PIK3AP1: variants seen among roughly 807,000 people sequenced by gnomAD.
The protein encoded by PIK3AP1 is phosphoinositide-3-kinase adaptor protein 1.
In PIK3AP1, 21 loss-of-function variants were observed where a neutral mutation model predicts 88.1. The observed-to-expected ratio is 0.24, with a 90% CI of 0.17 to 0.34. The LOEUF (loss-of-function observed/expected upper bound fraction) is 0.34. Ranked by LOEUF, PIK3AP1 falls within the 10% of genes least tolerant of loss-of-function variation. The pLI is 1.00. For missense variants in PIK3AP1, 828 were observed against 1,035.7 expected, an observed-to-expected ratio of 0.80 and a Z score of 2.75; for synonymous variants, 398 against 400.0, an observed-to-expected ratio of 1.00 and a Z score of 0.06.
intron 2 of PIK3AP1, among the ~76,000 whole-genome samples, chr10:96,706,997 A>G (rs1460991136): frequency 6.6e-6 from 1 of 152,158 alleles, no homozygotes; most frequent in Non-Finnish European, 1.5e-5. Flanking sequence ...CCCTATATCC[A>G]TTGATTCTGA....
intron 14 of PIK3AP1, among the ~76,000 whole-genome samples, chr10:96,608,434 G>C (rs1248471281): frequency 6.6e-6 from 1 of 152,204 alleles, no homozygotes; most frequent in Non-Finnish European, 1.5e-5. Flanking sequence ...TTTCTCCTCT[G>C]TCCAGACTAG....
At chr10:96,628,137 G>A (rs1250052475) in intron 9 of PIK3AP1, among the ~76,000 whole-genome samples, 1 of 152,126 alleles carries the variant, frequency 6.6e-6, no homozygotes, top group African/African-American at 2.4e-5. Flanking sequence ...AACAACAGAT[G>A]CATTTAAAAA....
At chr10:96,663,258 G>A (rs540102434) in intron 2 of PIK3AP1, among the ~76,000 whole-genome samples, 2 of 152,156 alleles carry the variant, frequency 1.3e-5, no homozygotes, top group East Asian at 3.9e-4. Flanking sequence ...GCACAAATCT[G>A]TGAATATACG....
intron 2 of PIK3AP1, among the ~76,000 whole-genome samples, chr10:96,684,849 C>T (rs1844048282): frequency 6.6e-6 from 1 of 152,218 alleles, no homozygotes; most frequent in African/African-American, 2.4e-5. Flanking sequence ...TGAGGCGGCA[C>T]TCTCTGATAG....
chr10:96,641,882 T>C (rs982447564), intron 8 of PIK3AP1, among the ~76,000 whole-genome samples: 8 of 152,122 alleles, frequency 5.3e-5, no homozygotes, highest in Non-Finnish European at 8.8e-5. Flanking sequence ...TGCTGGGCGG[T>C]GCTGCAAATA....
At chr10:96,604,230 T>C (rs1848960535) in intron 14 of PIK3AP1, among the ~76,000 whole-genome samples, 181 bp from the exon 15 acceptor site, 1 of 152,040 alleles carries the variant, frequency 6.6e-6, no homozygotes. Flanking sequence ...CTTGCTGGAG[T>C]GCAGTGGCAT....
intron 8 of PIK3AP1, among the ~76,000 whole-genome samples, chr10:96,641,124 T>TGTGTGC (rs1463517789): frequency 3.6e-5 from 4 of 109,712 alleles, no homozygotes; most frequent in African/African-American, 1.2e-4. Flanking sequence ...TGTGTGTGTG[T>TGTGTGC]GCGTGTGCAT....
intron 1 of PIK3AP1, among the ~76,000 whole-genome samples, chr10:96,712,533 T>C (rs1589552525): frequency 6.6e-6 from 1 of 152,298 alleles, no homozygotes; most frequent in African/African-American, 2.4e-5. Context: ...TATACCTCAA[T>C]GGAAAAATCA....
chr10:96,604,079 T>G, intron 14 of PIK3AP1, 30 bp from the exon 15 acceptor site: 1 of 1,499,966 alleles, frequency 6.7e-7, no homozygotes, highest in Middle Eastern at 1.8e-4. Flanking sequence ...TCAGCCGGAT[T>G]GAGGATTCTT....
chr10:96,598,840 GA>G (rs1848831117), intron 16 of PIK3AP1, among the ~76,000 whole-genome samples: 1 of 152,202 alleles, frequency 6.6e-6, no homozygotes, highest in African/African-American at 2.4e-5. Flanking sequence ...ATTGGGCAAA[GA>G]AACAGTACAG....
intron 14 of PIK3AP1, among the ~76,000 whole-genome samples, chr10:96,608,836 G>A (rs1849050428): frequency 6.6e-6 from 1 of 152,218 alleles, no homozygotes; most frequent in African/African-American, 2.4e-5. Flanking sequence ...CGACATTTAA[G>A]GAGATATGAG....
intron 2 of PIK3AP1, among the ~76,000 whole-genome samples, chr10:96,677,298 A>G (rs1843936494): frequency 6.6e-6 from 1 of 152,116 alleles, no homozygotes; most frequent in South Asian, 2.1e-4. Context: ...ACCAATTGAA[A>G]AACCAATCAT....
At chr10:96,611,762 A>G (rs1849113958) in intron 13 of PIK3AP1, among the ~76,000 whole-genome samples, 1 of 152,142 alleles carries the variant, frequency 6.6e-6, no homozygotes, top group Non-Finnish European at 1.5e-5. Context: ...CACTGCACCC[A>G]GCCAAAAATC....
At chr10:96,609,953 C>T in intron 13 of PIK3AP1, 86 bp from the exon 14 acceptor site, 3 of 1,479,986 alleles carry the variant, frequency 2.0e-6, no homozygotes, top group Non-Finnish European at 2.8e-6. Context: ...CCACCTGCCT[C>T]TCTCACAGGA....
intron 7 of PIK3AP1, among the ~76,000 whole-genome samples, chr10:96,646,037 A>C (rs1466225619): frequency 1.3e-5 from 2 of 152,182 alleles, no homozygotes; most frequent in Non-Finnish European, 2.9e-5. Context: ...AGGCAAGTGG[A>C]TCACCTGAGG....
chr10:96,654,035 T>A (rs1241671385), intron 3 of PIK3AP1, among the ~76,000 whole-genome samples: 1 of 152,200 alleles, frequency 6.6e-6, no homozygotes, highest in Non-Finnish European at 1.5e-5. Context: ...AGCCAGAGTC[T>A]GCATCATAAC....
intron 2 of PIK3AP1, among the ~76,000 whole-genome samples, chr10:96,690,604 G>A (rs1381063498): frequency 1.3e-5 from 2 of 152,116 alleles, no homozygotes; most frequent in Non-Finnish European, 2.9e-5. Context: ...CTATTCCTCA[G>A]GCCCAGGCAT....
At chr10:96,631,865 C>T (rs1564962623) in intron 8 of PIK3AP1, among the ~76,000 whole-genome samples, 1 of 151,782 alleles carries the variant, frequency 6.6e-6, no homozygotes, top group Non-Finnish European at 1.5e-5. Flanking sequence ...GCCTGGGTGA[C>T]AGAGCAAGAC....
At chr10:96,649,006 C>T in intron 6 of PIK3AP1, 151 bp from the exon 7 acceptor site, 5 of 613,568 alleles carry the variant, frequency 8.1e-6, no homozygotes, top group Non-Finnish European at 1.1e-5. Context: ...CTAACAGCTT[C>T]CTTCAGGACA....
Sources: gnomAD v4.1 joint callset for allele counts (sites outside exome capture counted in the v4.1 genomes callset) on GRCh38, gnomAD v4.1.1 for gene constraint, MANE v1.5 for transcripts, NCBI Gene and HGNC (gene_info 2026-07-23, HGNC 2026-07-21) for gene names.